FANCA: variants seen among roughly 807,000 people sequenced by gnomAD.
FANCA encodes the protein FA complementation group A, also known as Fanconi anemia group A protein.
In FANCA, 236 loss-of-function variants were observed where a neutral mutation model predicts 194.3. The observed-to-expected ratio is 1.21, with a 90% CI of 1.09 to 1.35. The LOEUF (loss-of-function observed/expected upper bound fraction) is 1.35, where lower values mean the gene tolerates loss of function less well. Ranked by LOEUF, FANCA falls within the 40% of genes most tolerant of loss-of-function variation. The pLI is 0.00. For synonymous variants in FANCA, 1,014 were observed against 715.8 expected (o/e 1.42, Z -6.65); for missense variants, 2,628 against 1,813.9 (o/e 1.45, Z -8.15).
At chr16:89,767,637 C>T (rs1226617570) in intron 26 of FANCA, among the ~76,000 whole-genome samples, 1 of 152,202 alleles carries the variant, frequency 6.6e-6, no homozygotes, top group Non-Finnish European at 1.5e-5. Flanking sequence ...CACCCTCCAC[C>T]TCCCAGGTTC....
chr16:89,784,708 TGGGGAAGGGGAA>T lies in FANCA; in HGVS notation c.1470+134_1470+145del, dbSNP rs146134541. On this transcript the variant is annotated intron_variant, in intron 15 of 42. Coordinates refer to ENST00000389301, the MANE Select transcript of FANCA (RefSeq NM_000135.4). ...TTGTGTTGTTTCACCATAAACGGCT[TGGGGAAGGGGAA>T]GGGGAAGGGGAAGGGCCTGGCTGAG... The T allele has an allele frequency of 0.068, 50,969 of 744,192 alleles. 2,380 individuals carry two copies. Among genetic ancestry groups the T allele is most frequent in the East Asian group, 0.16 (6,400 of 39,900 alleles). The allele number at this position is 744,192 out of a possible 1,614,324, so 46.1% of individuals were successfully genotyped here.
chr16:89,740,775 G>A (rs2062113023), intron 38 of FANCA, 29 bp downstream of exon 38: 9 of 1,606,502 alleles, frequency 5.6e-6, no homozygotes, highest in Non-Finnish European at 7.7e-6. Context: ...AGTGGGAGAG[G>A]ACACCTTGGC....
intron 21 of FANCA, among the ~76,000 whole-genome samples, chr16:89,775,462 G>A (rs2039468479): frequency 6.6e-6 from 1 of 152,234 alleles, no homozygotes; most frequent in Admixed American, 6.5e-5. Context: ...ACACCTCAGT[G>A]CGGCCCACAG....
At chr16:89,772,454 T>C (rs17226554) in intron 22 of FANCA, among the ~76,000 whole-genome samples, 9,110 of 152,186 alleles carry the variant, frequency 0.06, 420 homozygotes, top group East Asian at 0.23. Context: ...TGCAGTGAGC[T>C]GAGATCACGC....
intron 28 of FANCA, 131 bp from the exon 29 acceptor site, chr16:89,762,153 C>G (rs2038974016): frequency 1.3e-6 from 1 of 760,578 alleles, no homozygotes; most frequent in Non-Finnish European, 2.4e-6. Flanking sequence ...GAAATTGCAG[C>G]TGAGAGTTCC....
chr16:89,774,754 A>AAAAAAAAAAAAAAC (rs34932314), intron 21 of FANCA, among the ~76,000 whole-genome samples: 22 of 145,718 alleles, frequency 1.5e-4, no homozygotes, highest in Non-Finnish European at 2.4e-4. Context: ...AAAAAAAAAA[A>AAAAAAAAAAAAAAC]TCTCAACGAG....
rs780450614 is a variant in FANCA at position 89,737,819 on chromosome 16, T to C, written c.*782A>G. 2 of 1,614,148 alleles carry C rather than the reference T, an allele frequency of 1.2e-6. No homozygotes were observed. The highest frequency in any genetic ancestry group is 1.7e-6 in the Non-Finnish European group (2 of 1,180,022). ...CTCCCCTCTCAGAGGTGCGGAACTA[T>C]ATCTGTGACGAATGTGGACAAACCT... On this transcript the variant is annotated 3_prime_UTR_variant, in exon 43 of 43. Coordinates refer to ENST00000389301, the MANE Select transcript of FANCA (RefSeq NM_000135.4).
intron 14 of FANCA, among the ~76,000 whole-genome samples, chr16:89,790,318 C>G (rs1316531159): frequency 6.6e-6 from 1 of 151,602 alleles, no homozygotes; most frequent in Admixed American, 6.6e-5. Flanking sequence ...TGCTTGAACC[C>G]AGGAGGAGGA....
chr16:89,792,944 A>C (rs1053695218), intron 11 of FANCA, among the ~76,000 whole-genome samples: 2 of 152,216 alleles, frequency 1.3e-5, no homozygotes, highest in African/African-American at 4.8e-5. Context: ...TTATTTCTGC[A>C]TATCAGAGAC....
chr16:89,794,454 T>G (rs1356730176), intron 11 of FANCA, among the ~76,000 whole-genome samples: 1 of 151,666 alleles, frequency 6.6e-6, no homozygotes, highest in East Asian at 1.9e-4. Flanking sequence ...GGGAATAGCT[T>G]GAACCCAGGC....
chr16:89,812,623 G>A (rs1437261902), intron 3 of FANCA, among the ~76,000 whole-genome samples: 2 of 114,880 alleles, frequency 1.7e-5, no homozygotes, highest in Non-Finnish European at 3.7e-5. Flanking sequence ...TCCAGCCTGG[G>A]TAACAAGAGC....
At chr16:89,766,125 T>G (rs965615877) in intron 27 of FANCA, among the ~76,000 whole-genome samples, 1 of 151,744 alleles carries the variant, frequency 6.6e-6, no homozygotes, top group Non-Finnish European at 1.5e-5. Context: ...GCCTCCCAAG[T>G]AGCTGGGATT....
chr16:89,741,466 G>C (rs898009422), intron 37 of FANCA, among the ~76,000 whole-genome samples: 1 of 152,216 alleles, frequency 6.6e-6, no homozygotes, highest in Non-Finnish European at 1.5e-5. Flanking sequence ...GCACCTATGC[G>C]TTGCGGATCT....
At chr16:89,753,493 G>A (rs1323818643) in intron 30 of FANCA, among the ~76,000 whole-genome samples, 2 of 152,082 alleles carry the variant, frequency 1.3e-5, no homozygotes, top group African/African-American at 2.4e-5. Context: ...CCAATATAAC[G>A]CAGTTATCAA....
At chr16:89,807,945 C>G (rs966980619) in intron 6 of FANCA, among the ~76,000 whole-genome samples, 1 of 151,958 alleles carries the variant, frequency 6.6e-6, no homozygotes, top group African/African-American at 2.4e-5. Context: ...GTAATCCCAG[C>G]GACTTGGGAG....
intron 35 of FANCA, 115 bp downstream of exon 35, chr16:89,746,469 T>C (rs2038393613): frequency 1.2e-6 from 1 of 848,878 alleles, no homozygotes. Flanking sequence ...TCCTGATGCA[T>C]TTTCCCTGAG....
At chr16:89,788,673 A>G (rs1334205080) in intron 14 of FANCA, among the ~76,000 whole-genome samples, 1 of 151,964 alleles carries the variant, frequency 6.6e-6, no homozygotes, top group African/African-American at 2.4e-5. Context: ...GGTGGCACAC[A>G]CCTATAGTCC....
chr16:89,737,730 T>C lies in FANCA; in HGVS notation c.*871A>G. 1 of 1,602,662 alleles carries C rather than the reference T, an allele frequency of 6.2e-7. No homozygotes were observed. The highest frequency in any genetic ancestry group is 1.7e-5 in the Admixed American group (1 of 59,664). ...AGAAATGTCTTCCCAGCTGTGATGG[T>C]TTCACATTGTCATCGTCGTCCCCCC... is the stretch of plus-strand genomic sequence containing the variant. On this transcript the variant is annotated 3_prime_UTR_variant, in exon 43 of 43. Transcript: ENST00000389301.
chr16:89,769,592 CTATCTACTAT>C, intron 26 of FANCA: 3 of 565,816 alleles, frequency 5.3e-6, no homozygotes, highest in Non-Finnish European at 6.3e-6. Flanking sequence ...TAGACAGTTA[CTATCTACTAT>C]TAATTTCAGC....
Sources: allele counts gnomAD v4.1 joint callset (sites outside exome capture counted in the v4.1 genomes callset), GRCh38; gene constraint gnomAD v4.1.1; transcripts MANE v1.5; gene names NCBI Gene and HGNC (gene_info 2026-07-23, HGNC 2026-07-21).